Variants in OCIAD1 observed in about 807,000 individuals in gnomAD.
The protein encoded by OCIAD1 is OCIA domain-containing protein 1.
A neutral mutation model predicts 38.9 loss-of-function variants in OCIAD1; 29 were observed. The ratio of observed to expected loss-of-function variants is 0.74; its 90% CI spans 0.55 to 1.02. OCIAD1 has a LOEUF of 1.02. Ranked by LOEUF, OCIAD1 falls within the 50% of genes least tolerant of loss-of-function variation. The pLI is 0.00. For missense variants in OCIAD1, 288 were observed against 289.6 expected (o/e 0.99, Z 0.04); for synonymous variants, 110 against 92.0 (o/e 1.20, Z -1.12).
upstream of OCIAD1, among the ~76,000 whole-genome samples, chr4:48,827,161 C>T (rs567899389): frequency 4.0e-4 from 61 of 151,982 alleles, 1 homozygote; most frequent in Non-Finnish European, 7.9e-4. Context: ...CTTGAATAAT[C>T]GCTGAATAAT....
upstream of OCIAD1, among the ~76,000 whole-genome samples, chr4:48,828,462 C>G (rs899971543): frequency 6.6e-6 from 1 of 152,180 alleles, no homozygotes; most frequent in Non-Finnish European, 1.5e-5. Flanking sequence ...TCCCCTTCCA[C>G]ACTGTGGAAG....
Position 48,861,243 on chromosome 4 carries a change from A to G in OCIAD1, c.*481A>G, listed in dbSNP as rs1347078225. On this transcript the variant is annotated 3_prime_UTR_variant, in exon 9 of 9. Transcript: ENST00000264312. ...TATGGCAAATAAAATGTAAAGGAAC[A>G]TGCAACAGCCCTCATCTTCCTTGAT... 6.5e-6 allele frequency: 1 copy of G among 153,014 alleles called. No homozygotes were observed. Among genetic ancestry groups the G allele is most frequent in the Non-Finnish European group, 1.5e-5 (1 of 68,646 alleles). The allele number at this position is 153,014 out of a possible 1,614,324, so 9.5% of individuals were successfully genotyped here. A position where few individuals can be genotyped will look rare whatever the true frequency, so the allele number is the denominator to read the frequency against.
intron 1 of OCIAD1, among the ~76,000 whole-genome samples, chr4:48,825,711 G>T (rs1378529456): frequency 1.3e-5 from 2 of 152,172 alleles, no homozygotes; most frequent in Non-Finnish European, 2.9e-5. Flanking sequence ...TATTAGTTAA[G>T]AAATCCGCCC....
intron 1 of OCIAD1, among the ~76,000 whole-genome samples, chr4:48,825,330 T>C (rs1026595607): frequency 6.6e-6 from 1 of 152,104 alleles, no homozygotes; most frequent in African/African-American, 2.4e-5. Flanking sequence ...GCATCCAGGG[T>C]ATCTAACACA....
rs1390803024 is a variant in OCIAD1 at position 48,825,688 on chromosome 4, A to G, written c.-102-4889A>G. 3.3e-5 allele frequency among the ~76,000 whole-genome samples: 5 copies of G among 152,218 alleles called. No individual in the cohort carries two copies. The South Asian group carries it at 1.0e-3, about 32-fold the overall frequency. On this transcript the variant is annotated intron_variant, in intron 1 of 6. Transcript: ENST00000504654. Reference sequence around the variant, plus strand: ...CAATAGCTTGTGGCATACCTATAACACATCCATGGGAATATTAGTTAAGAA... The same window carrying G: ...CAATAGCTTGTGGCATACCTATAACGCATCCATGGGAATATTAGTTAAGAA...
At chr4:48,834,329 G>A (rs1227262879) in intron 3 of OCIAD1, among the ~76,000 whole-genome samples, 1 of 152,170 alleles carries the variant, frequency 6.6e-6, no homozygotes, top group African/African-American at 2.4e-5. Flanking sequence ...GTGCAACCAT[G>A]CCCAGCAAAT....
intron 1 of OCIAD1, among the ~76,000 whole-genome samples, chr4:48,820,089 G>A (rs13150183): frequency 0.55 from 83,949 of 151,974 alleles, 23,992 homozygotes; most frequent in African/African-American, 0.71. Context: ...CCAAATCAAC[G>A]GAGTATACAT....
intron 1 of OCIAD1, among the ~76,000 whole-genome samples, chr4:48,818,329 G>A (rs1777161353): frequency 6.6e-6 from 1 of 152,174 alleles, no homozygotes; most frequent in African/African-American, 2.4e-5. Flanking sequence ...GCAGAAGAGG[G>A]TCTTGACTGC....
intron 3 of OCIAD1, among the ~76,000 whole-genome samples, chr4:48,838,959 A>G (rs1778273227): frequency 6.6e-6 from 1 of 152,186 alleles, no homozygotes; most frequent in South Asian, 2.1e-4. Flanking sequence ...TCTGTGCCCA[A>G]ACACACAGGT....
At chr4:48,826,644 C>T (rs1434322187), upstream of OCIAD1, among the ~76,000 whole-genome samples, 1 of 152,146 alleles carries the variant, frequency 6.6e-6, no homozygotes, top group East Asian at 1.9e-4. Flanking sequence ...TTGATTATTA[C>T]ACACTTACAT....
In OCIAD1 at chr4:48,861,261, T is replaced by A. The variant is rs1351252538; in HGVS notation, c.*499T>A. ...AAGGAACATGCAACAGCCCTCATCT[T>A]CCTTGATTTTATGGTTTTATTGTTT... is the stretch of plus-strand genomic sequence containing the variant. On this transcript the variant is annotated 3_prime_UTR_variant, in exon 9 of 9. Coordinates refer to ENST00000264312, the MANE Select transcript of OCIAD1 (RefSeq NM_017830.4). 2 of 152,630 alleles carry A rather than the reference T, an allele frequency of 1.3e-5. No individual in the cohort carries two copies. Among genetic ancestry groups the A allele is most frequent in the Non-Finnish European group, 2.9e-5 (2 of 68,340 alleles). The allele number at this position is 152,630 out of a possible 1,614,324, so 9.5% of individuals were successfully genotyped here.
intron 8 of OCIAD1, 115 bp from the exon 9 acceptor site, chr4:48,860,610 G>C (rs1004177098): frequency 2.4e-6 from 2 of 833,286 alleles, no homozygotes; most frequent in Admixed American, 4.2e-5. Context: ...TGACTCTCAT[G>C]TGCTTTTATT....
chr4:48,839,669 T>C (rs567258053), intron 3 of OCIAD1, among the ~76,000 whole-genome samples: 2 of 152,316 alleles, frequency 1.3e-5, no homozygotes, highest in South Asian at 4.1e-4. Flanking sequence ...TTATGATTAA[T>C]GAAATAAAAA....
chr4:48,828,472 G>T (rs1030287237), upstream of OCIAD1, among the ~76,000 whole-genome samples: 1 of 152,176 alleles, frequency 6.6e-6, no homozygotes, highest in Non-Finnish European at 1.5e-5. Flanking sequence ...CACTGTGGAA[G>T]CTTTGTTCTT....
intron 3 of OCIAD1, among the ~76,000 whole-genome samples, chr4:48,840,833 C>CAAAAAA (rs1233881090): frequency 2.2e-5 from 1 of 46,362 alleles, no homozygotes; most frequent in Non-Finnish European, 4.8e-5. Context: ...CTCATCTCTA[C>CAAAAAA]AAAAAAAAAA....
intron 2 of OCIAD1, 118 bp from the exon 3 acceptor site, chr4:48,833,282 GT>G: frequency 3.1e-6 from 2 of 646,972 alleles, no homozygotes; most frequent in Non-Finnish European, 5.5e-6. Flanking sequence ...TAAGCCAGTT[GT>G]TTTATTATTT....
chr4:48,833,581 A>G (rs1310288688), intron 3 of OCIAD1, 100 bp downstream of exon 3: 62 of 699,264 alleles, frequency 8.9e-5, no homozygotes, highest in Non-Finnish European at 1.7e-5. Context: ...CGTATAGAAC[A>G]AATTGGCAAA....
In OCIAD1 at chr4:48,857,276, A is replaced by G; in HGVS notation, c.611A>G (p.Asn204Ser). 6.3e-7 allele frequency: 1 copy of G among 1,596,508 alleles called. No individual in the cohort carries two copies. The highest frequency in any genetic ancestry group is 8.5e-7 in the Non-Finnish European group (1 of 1,170,308). The change falls in exon 8 of 9, where the codon AAT becomes AGT. Residue 204 changes from asparagine to serine, a missense_variant. Physicochemically the swap from Asn to Ser is conservative, Grantham distance 46. Coordinates refer to ENST00000264312, the MANE Select transcript of OCIAD1 (RefSeq NM_017830.4). ...RKNITYEELRNKNRESYEVSL... is the reference protein window; with the variant it reads ...RKNITYEELRSKNRESYEVSL... Reference sequence around the variant, plus strand: ...AATATTACATATGAGGAATTAAGGAATAAGAACAGAGAGTCATATGAAGTA... The same window carrying G: ...AATATTACATATGAGGAATTAAGGAGTAAGAACAGAGAGTCATATGAAGTA...
intron 1 of OCIAD1, among the ~76,000 whole-genome samples, chr4:48,819,108 G>A (rs564947925): frequency 2.6e-5 from 4 of 152,016 alleles, no homozygotes; most frequent in East Asian, 1.9e-4. Context: ...GAGAAACCCC[G>A]AGACACATAA....
Sources: gnomAD v4.1 joint callset for allele counts (sites outside exome capture counted in the v4.1 genomes callset) on GRCh38, gnomAD v4.1.1 for gene constraint, MANE v1.5 for transcripts, NCBI Gene and HGNC (gene_info 2026-07-23, HGNC 2026-07-21) for gene names.